The following PRKN variants were observed in gnomAD, a reference collection of about 807,000 sequenced individuals.
PRKN encodes the protein parkin RBR E3 ubiquitin protein ligase.
PRKN carries 56 observed loss-of-function variants against 59.5 expected under a neutral mutation model. That is an observed-to-expected ratio of 0.94 (90% CI 0.76 to 1.18). The LOEUF is 1.18. PRKN is among the 50% of genes most tolerant of loss of function. The probability of loss-of-function intolerance (pLI) is 0.00; values close to 1 mark genes in which losing one functional copy is unlikely to be tolerated. For synonymous variants in PRKN, 250 were observed against 222.1 expected (o/e 1.13, Z -1.12); for missense variants, 657 against 596.4 (o/e 1.10, Z -1.06).
At chr6:162,332,780 C>G (rs1401228096) in intron 2 of PRKN, among the ~76,000 whole-genome samples, 1 of 152,056 alleles carries the variant, frequency 6.6e-6, no homozygotes, top group South Asian at 2.1e-4. Flanking sequence ...TCCACGACAG[C>G]CCCCAACCCA....
chr6:161,498,649 C>T lies in PRKN; in HGVS notation c.1083+50205G>A, dbSNP rs148345345. 8.3e-4 allele frequency among the ~76,000 whole-genome samples: 126 copies of T among 152,296 alleles called. No homozygotes were observed. The highest frequency in any genetic ancestry group is 2.9e-3 in the African/African-American group (122 of 41,558). ...CATCCTGCTTCCTGAAGGAAGGGCT[C>T]CACCTGCCGACCCTGATGGAGAACG... On this transcript the variant is annotated intron_variant, in intron 9 of 11. Coordinates refer to ENST00000366898, the MANE Select transcript of PRKN (RefSeq NM_004562.3). This position sits in a 1 kb window ranked among gnomAD's most constrained non-coding sequence, Gnocchi z 4.2.
At chr6:162,019,928 A>C (rs1582904427) in intron 5 of PRKN, among the ~76,000 whole-genome samples, 2 of 152,102 alleles carry the variant, frequency 1.3e-5, no homozygotes, top group Non-Finnish European at 2.9e-5. Context: ...CTGGGGCAGG[A>C]GAATTGCTTG....
At chr6:162,458,426 CA>C (rs376379369) in intron 1 of PRKN, among the ~76,000 whole-genome samples, 2,625 of 116,956 alleles carry the variant, frequency 0.022, 55 homozygotes, top group African/African-American at 0.074. Context: ...GACTCCATCT[CA>C]AAAAAAAAAA....
chr6:161,620,928 G>A lies in PRKN; in HGVS notation c.872-51512C>T, dbSNP rs532363792. Reference sequence around the variant, plus strand: ...TCTCAACCAGGAAATGGTCACCATGGAAGGCAGTGAGATGGAGGATAGGCT... The same window carrying A: ...TCTCAACCAGGAAATGGTCACCATGAAAGGCAGTGAGATGGAGGATAGGCT... On this transcript the variant is annotated intron_variant, in intron 7 of 11. Transcript: ENST00000366898. Among the ~76,000 whole-genome samples the A allele has an allele frequency of 1.2e-4, 18 of 152,260 alleles. 1 individual carries two copies. Among genetic ancestry groups the A allele is most frequent in the Admixed American group, 1.1e-3 (17 of 15,302 alleles).
chr6:161,870,932 T>C (rs1219548674), intron 6 of PRKN, among the ~76,000 whole-genome samples: 1 of 151,866 alleles, frequency 6.6e-6, no homozygotes, highest in Non-Finnish European at 1.5e-5. Flanking sequence ...TGGGGAAAAA[T>C]ACTGAAGAGA....
At chr6:162,520,028 C>T (rs9365457) in intron 1 of PRKN, among the ~76,000 whole-genome samples, 61,378 of 151,904 alleles carry the variant, frequency 0.4, 12,625 homozygotes, top group South Asian at 0.57. Context: ...GGCAGGAGGA[C>T]TGCTTGAGAC....
chr6:162,094,341 G>A (rs1044582513), intron 4 of PRKN, among the ~76,000 whole-genome samples: 32 of 152,058 alleles, frequency 2.1e-4, no homozygotes, highest in African/African-American at 7.2e-4. Context: ...AAAGTGAGCC[G>A]GGTGTGGTGG....
At chr6:161,995,346 C>T (rs1050240757) in intron 5 of PRKN, among the ~76,000 whole-genome samples, 6 of 152,098 alleles carry the variant, frequency 3.9e-5, no homozygotes. Flanking sequence ...ACATTCAGGA[C>T]ATTGGTCTAG....
chr6:162,188,935 A>C (rs1037730499), intron 4 of PRKN, among the ~76,000 whole-genome samples: 43 of 152,184 alleles, frequency 2.8e-4, no homozygotes, highest in African/African-American at 1.0e-3. Flanking sequence ...AGATGACTAC[A>C]AAGCAAGCAT....
intron 7 of PRKN, among the ~76,000 whole-genome samples, chr6:161,750,928 C>T (rs1294970153): frequency 6.6e-6 from 1 of 151,978 alleles, no homozygotes; most frequent in Non-Finnish European, 1.5e-5. Context: ...ATATATTTCA[C>T]TAGTCAGAGA....
chr6:162,625,177 T>G (rs1782833419), intron 1 of PRKN, among the ~76,000 whole-genome samples: 3 of 152,200 alleles, frequency 2.0e-5, no homozygotes, highest in African/African-American at 7.2e-5. Flanking sequence ...TGAGGGCAAC[T>G]TCAGCCGTGC....
rs73601089 is a variant in PRKN, at chr6:161,832,782, C to T, written c.735-46874G>A. Among the ~76,000 whole-genome samples, 719 of 152,188 alleles carry T rather than the reference C, an allele frequency of 4.7e-3. 6 individuals carry two copies. Among genetic ancestry groups the T allele is most frequent in the African/African-American group, 0.017 (689 of 41,516 alleles). On this transcript the variant is annotated intron_variant, in intron 6 of 11. Transcript: ENST00000366898. ...GGCATCTCACCCTCCCCATTCTCTA[C>T]GGTCTGTCTGGAGAAAGCTTTGTGG...
chr6:162,390,138 C>T (rs1787085774), intron 2 of PRKN, among the ~76,000 whole-genome samples: 1 of 151,964 alleles, frequency 6.6e-6, no homozygotes, highest in Non-Finnish European at 1.5e-5. Context: ...ACTCCTTTAA[C>T]CTCATGAGAT....
At chr6:162,704,522 T>C (rs1327432707) in intron 1 of PRKN, among the ~76,000 whole-genome samples, 6 of 152,210 alleles carry the variant, frequency 3.9e-5, no homozygotes, top group South Asian at 4.1e-4. Flanking sequence ...TCAAAGCTCA[T>C]TGGAATATTT....
At chr6:161,990,651 G>C (rs1781610681) in intron 5 of PRKN, among the ~76,000 whole-genome samples, 1 of 152,058 alleles carries the variant, frequency 6.6e-6, no homozygotes, top group Non-Finnish European at 1.5e-5. Flanking sequence ...TGAGATCAGG[G>C]AGAGGAAAAA....
At chr6:162,181,975 C>G (rs565998880) in intron 4 of PRKN, among the ~76,000 whole-genome samples, 15 of 152,168 alleles carry the variant, frequency 9.9e-5, no homozygotes, top group Admixed American at 9.2e-4. Flanking sequence ...ATTGTACTGA[C>G]TCATTATCCC....
intron 1 of PRKN, among the ~76,000 whole-genome samples, chr6:162,474,109 A>C (rs1299931194): frequency 6.6e-6 from 1 of 152,240 alleles, no homozygotes; most frequent in Non-Finnish European, 1.5e-5. Flanking sequence ...ATGAAGCTGG[A>C]ACAATATTAA....
chr6:162,623,764 T>C (rs763995514), intron 1 of PRKN, among the ~76,000 whole-genome samples: 4 of 152,118 alleles, frequency 2.6e-5, no homozygotes, highest in Non-Finnish European at 5.9e-5. Context: ...AAAACAGTGA[T>C]TTTAAAAATT....
Position 161,997,212 on chromosome 6 carries a change from A to G in PRKN, c.619-23795T>C, listed in dbSNP as rs562430625. Among the ~76,000 whole-genome samples, 14 of 152,230 alleles carry G rather than the reference A, an allele frequency of 9.2e-5. No homozygotes were observed. In the East Asian group the frequency reaches 2.7e-3, roughly 29 times the overall value. On this transcript the variant is annotated intron_variant, in intron 5 of 11. Coordinates refer to ENST00000366898, the MANE Select transcript of PRKN (RefSeq NM_004562.3). The stretch of plus-strand genomic sequence containing the variant: ...ATATACATAGATCTGTATACTCATT[A>G]AATATAGTGACTTCTGCGAAAAAAT...
Sources: gnomAD v4.1 joint callset for allele counts (sites outside exome capture counted in the v4.1 genomes callset) on GRCh38, gnomAD v4.1.1 for gene constraint, Gnocchi (gnomAD v3.1) non-coding constraint, MANE v1.5 for transcripts, NCBI Gene and HGNC (gene_info 2026-07-23, HGNC 2026-07-21) for gene names.